The following LIPH variants were observed in gnomAD, a reference collection of about 807,000 sequenced individuals.
LIPH encodes lipase H.
A neutral mutation model predicts 47.6 loss-of-function variants in LIPH; 32 were observed. The ratio of observed to expected loss-of-function variants is 0.67; its 90% CI spans 0.51 to 0.90. The LOEUF (loss-of-function observed/expected upper bound fraction) is 0.90, where lower values mean the gene tolerates loss of function less well. LIPH is among the 40% of genes least tolerant of loss of function. The pLI, the probability that LIPH is intolerant of heterozygous loss-of-function variation, is 0.00. For missense variants in LIPH, 497 were observed against 541.4 expected, an observed-to-expected ratio of 0.92 and a Z score of 0.81; for synonymous variants, 190 against 195.6, an observed-to-expected ratio of 0.97 and a Z score of 0.24.
Position 185,515,671 on chromosome 3 carries a change from G to A in LIPH, c.983-1150C>T, listed in dbSNP as rs907195979. Among the ~76,000 whole-genome samples the A allele has an allele frequency of 1.6e-4, 24 of 152,152 alleles. 1 individual carries two copies. The highest frequency in any genetic ancestry group is 1.5e-3 in the Admixed American group (23 of 15,270). ...TTACAGGCAAGCACCACCACGCCCAGCTAATTTTTATATTTTGTTTTTGGG... is the reference window on the plus strand; with the variant it reads ...TTACAGGCAAGCACCACCACGCCCAACTAATTTTTATATTTTGTTTTTGGG... On this transcript the variant is annotated intron_variant, in intron 7 of 9. Transcript: ENST00000296252.
chr3:185,517,805 T>TATAC (rs1221181696), intron 6 of LIPH, among the ~76,000 whole-genome samples: 2 of 152,204 alleles, frequency 1.3e-5, no homozygotes, highest in Non-Finnish European at 2.9e-5. Context: ...ACCCCTTGTC[T>TATAC]ATACCATGCC....
chr3:185,508,968 A>G, intron 9 of LIPH, 91 bp from the exon 10 acceptor site: 1 of 847,140 alleles, frequency 1.2e-6, no homozygotes, highest in Non-Finnish European at 2.0e-6. Flanking sequence ...ATACAAAATT[A>G]TTTAGCAATT....
chr3:185,551,607 G>A (rs1488033245), intron 1 of LIPH, among the ~76,000 whole-genome samples: 1 of 152,010 alleles, frequency 6.6e-6, no homozygotes, highest in African/African-American at 2.4e-5. Flanking sequence ...TCTCTGCATA[G>A]GAGGCTTTTT....
intron 6 of LIPH, among the ~76,000 whole-genome samples, 157 bp from the exon 7 acceptor site, chr3:185,517,319 C>T (rs772918224): frequency 6.6e-6 from 1 of 152,126 alleles, no homozygotes; most frequent in Non-Finnish European, 1.5e-5. Context: ...GCAGGGTGAC[C>T]CATCTTGCTG....
chr3:185,529,915 A>AAAG (rs1720261435), intron 3 of LIPH, among the ~76,000 whole-genome samples: 1 of 36,814 alleles, frequency 2.7e-5, no homozygotes, highest in Non-Finnish European at 6.6e-5. Context: ...GAAAAGAAAG[A>AAAG]AAGAAAGAAA....
intron 3 of LIPH, among the ~76,000 whole-genome samples, chr3:185,528,248 A>G (rs548381172): frequency 5.1e-5 from 7 of 136,260 alleles, no homozygotes; most frequent in East Asian, 2.1e-4. Flanking sequence ...GAGAGAGAGA[A>G]AGAAAAAAAG....
intron 1 of LIPH, among the ~76,000 whole-genome samples, chr3:185,537,675 T>C (rs926052193): frequency 3.9e-5 from 6 of 152,178 alleles, no homozygotes; most frequent in Admixed American, 1.3e-4. Context: ...CCAGGTGGCC[T>C]GGGGAAATTA....
chr3:185,515,939 A>C (rs1296891822), intron 7 of LIPH, among the ~76,000 whole-genome samples: 1 of 152,066 alleles, frequency 6.6e-6, no homozygotes, highest in African/African-American at 2.4e-5. Context: ...AGACCAGCCT[A>C]TGCAACATAG....
chr3:185,514,350 T>C, intron 8 of LIPH, 60 bp downstream of exon 8: 1 of 811,074 alleles, frequency 1.2e-6, no homozygotes, highest in Non-Finnish European at 2.2e-6. Context: ...GGATTTGTGA[T>C]TTAATTTCTC....
intron 2 of LIPH, among the ~76,000 whole-genome samples, chr3:185,534,297 G>A (rs1298755847): frequency 1.3e-5 from 2 of 151,788 alleles, no homozygotes; most frequent in Non-Finnish European, 1.5e-5. Flanking sequence ...CAAAGGTTGC[G>A]GTGAGCTGAA....
chr3:185,527,711 C>G, intron 3 of LIPH, 126 bp from the exon 4 acceptor site: 1 of 698,860 alleles, frequency 1.4e-6, no homozygotes, highest in Non-Finnish European at 2.6e-6. Context: ...AGCGCTCACA[C>G]TCCCGTCCCA....
intron 3 of LIPH, among the ~76,000 whole-genome samples, chr3:185,531,562 A>C (rs1423848745): frequency 1.3e-5 from 2 of 150,798 alleles, no homozygotes; most frequent in African/African-American, 4.9e-5. Context: ...GTCTCAAAAA[A>C]AAAAAAAAAA....
At chr3:185,543,846 C>CT (rs57080060) in intron 1 of LIPH, among the ~76,000 whole-genome samples, 2,572 of 108,698 alleles carry the variant, frequency 0.024, 140 homozygotes, top group African/African-American at 0.074. Flanking sequence ...CTGGCTCTTG[C>CT]TTTTTTTTTT....
intron 1 of LIPH, among the ~76,000 whole-genome samples, chr3:185,537,579 C>T (rs540045162): frequency 6.6e-6 from 1 of 152,124 alleles, no homozygotes; most frequent in African/African-American, 2.4e-5. Context: ...TCTTATTGAA[C>T]AGGAAGTGTC....
chr3:185,534,083 C>T (rs376408164), intron 2 of LIPH, among the ~76,000 whole-genome samples: 16 of 152,192 alleles, frequency 1.1e-4, no homozygotes, highest in African/African-American at 2.6e-4. Context: ...ATTAGCCGGG[C>T]GCAGTGGCTC....
At chr3:185,529,197 A>AG (rs1560164633) in intron 3 of LIPH, among the ~76,000 whole-genome samples, 1 of 148,218 alleles carries the variant, frequency 6.7e-6, no homozygotes, top group African/African-American at 2.5e-5. Context: ...AAAAAAGAAA[A>AG]AAAGAAAAAG....
chr3:185,530,010 G>A (rs532998313), intron 3 of LIPH, among the ~76,000 whole-genome samples: 23 of 152,180 alleles, frequency 1.5e-4, no homozygotes, highest in South Asian at 6.2e-4. Flanking sequence ...AGTGCCTGGC[G>A]CGGTGGCATG....
chr3:185,526,764 G>A (rs1351691598), intron 4 of LIPH, among the ~76,000 whole-genome samples: 2 of 150,164 alleles, frequency 1.3e-5, no homozygotes, highest in Non-Finnish European at 3.0e-5. Flanking sequence ...GATCTGCAGA[G>A]AGCCAGAGAG....
intron 9 of LIPH, among the ~76,000 whole-genome samples, chr3:185,510,463 A>G (rs1294235122): frequency 6.6e-6 from 1 of 152,070 alleles, no homozygotes; most frequent in African/African-American, 2.4e-5. Flanking sequence ...CCCCAAACAT[A>G]CATTGTTTAT....
Sources: gnomAD v4.1 joint callset for allele counts (sites outside exome capture counted in the v4.1 genomes callset) on GRCh38, gnomAD v4.1.1 for gene constraint, MANE v1.5 for transcripts, NCBI Gene and HGNC (gene_info 2026-07-23, HGNC 2026-07-21) for gene names.